PARD3: variants seen among roughly 807,000 people sequenced by gnomAD.
PARD3 encodes partitioning defective 3 homolog.
Under a neutral mutation model 155.4 loss-of-function variants are expected in PARD3, and 75 were observed. The observed-to-expected ratio is 0.48, with a 90% CI of 0.40 to 0.58. PARD3 has a LOEUF of 0.58. PARD3 is among the 20% of genes least tolerant of loss of function. The probability of loss-of-function intolerance (pLI) is 0.00; values close to 1 mark genes in which losing one functional copy is unlikely to be tolerated. For synonymous variants in PARD3, 576 were observed against 610.5 expected (o/e 0.94, Z 0.83); for missense variants, 1,642 against 1,721.7 (o/e 0.95, Z 0.82).
At chr10:34,670,966 T>A (rs2093600537) in intron 2 of PARD3, among the ~76,000 whole-genome samples, 2 of 152,182 alleles carry the variant, frequency 1.3e-5, no homozygotes, top group South Asian at 4.2e-4. Flanking sequence ...TCGGCGGCCA[T>A]CAAGTTTTAC....
At chr10:34,771,553 CA>C (rs1189194216) in intron 1 of PARD3, among the ~76,000 whole-genome samples, 1 of 152,228 alleles carries the variant, frequency 6.6e-6, no homozygotes, top group African/African-American at 2.4e-5. Context: ...AAAAGTTACA[CA>C]AAACTGAGAA....
chr10:34,431,876 C>T (rs2075932565), intron 5 of PARD3, among the ~76,000 whole-genome samples: 2 of 149,432 alleles, frequency 1.3e-5, no homozygotes, highest in Admixed American at 1.3e-4. Context: ...GGTGAAACCC[C>T]GTATCTACTA....
At chr10:34,727,118 G>T (rs139258341) in intron 1 of PARD3, among the ~76,000 whole-genome samples, 20 of 152,312 alleles carry the variant, frequency 1.3e-4, no homozygotes, top group Middle Eastern at 6.8e-3. Flanking sequence ...CACCCTGTGT[G>T]GTGGGGGATT....
At position 34,284,182 on chromosome 10, in the gene PARD3, G is replaced by A. The variant is rs140519022; in HGVS notation, c.3129C>T (p.Ser1043=). 480 of 1,609,448 alleles carry A rather than the reference G, an allele frequency of 3.0e-4. No individual in the cohort carries two copies. Among genetic ancestry groups the A allele is most frequent in the Non-Finnish European group, 3.9e-4 (465 of 1,177,846 alleles). The change falls in exon 21 of 25, where the codon TCC becomes TCT. Residue 1043 remains serine, a synonymous_variant. Coordinates refer to ENST00000374788, the MANE Select transcript of PARD3 (RefSeq NM_001184785.2). ...GTATCCTCTCCTCTTCTGATGTAAAGGATTCCTGTATTTTTATTTTACCCG... is the reference window on the plus strand; with the variant it reads ...GTATCCTCTCCTCTTCTGATGTAAAAGATTCCTGTATTTTTATTTTACCCG... ...EKTGKIKIQE[S]FTSEEERIRM...
chr10:34,506,638 C>T (rs763700949), intron 3 of PARD3, among the ~76,000 whole-genome samples: 17 of 152,216 alleles, frequency 1.1e-4, no homozygotes, highest in African/African-American at 3.1e-4. Flanking sequence ...TTCAGTCCAC[C>T]GAGGTGATCA....
chr10:34,429,621 T>A (rs1320281407), intron 5 of PARD3, among the ~76,000 whole-genome samples: 1 of 151,922 alleles, frequency 6.6e-6, no homozygotes, highest in East Asian at 1.9e-4. Flanking sequence ...AGTCTTGCAC[T>A]GTTGCCCGCG....
At chr10:34,767,217 G>A (rs1838209330) in intron 1 of PARD3, among the ~76,000 whole-genome samples, 1 of 152,174 alleles carries the variant, frequency 6.6e-6, no homozygotes, top group African/African-American at 2.4e-5. Flanking sequence ...TGGGAGTCTA[G>A]GCAATGAGAC....
chr10:34,758,893 C>G (rs551303951), intron 1 of PARD3, among the ~76,000 whole-genome samples: 2 of 152,064 alleles, frequency 1.3e-5, no homozygotes, highest in African/African-American at 4.8e-5. Flanking sequence ...GTGACTGAAA[C>G]GGCTAAATTA....
chr10:34,651,011 C>CCAAAAAAAA, intron 2 of PARD3, among the ~76,000 whole-genome samples: 1 of 44,520 alleles, frequency 2.2e-5, no homozygotes, highest in Non-Finnish European at 4.0e-5. Flanking sequence ...AACTCTGTCT[C>CCAAAAAAAA]AAAAAAAAAA....
intron 2 of PARD3, among the ~76,000 whole-genome samples, chr10:34,561,975 T>C (rs909114182): frequency 6.7e-6 from 1 of 149,718 alleles, no homozygotes; most frequent in Non-Finnish European, 1.5e-5. Context: ...CTACTAAAAA[T>C]ACAAAAAAAT....
chr10:34,124,960 G>A (rs959601464), intron 23 of PARD3, among the ~76,000 whole-genome samples: 2 of 152,196 alleles, frequency 1.3e-5, no homozygotes, highest in Non-Finnish European at 2.9e-5. Context: ...CTTTGGCTGA[G>A]GGACAGGTCA....
At chr10:34,643,902 G>A (rs899298920) in intron 2 of PARD3, among the ~76,000 whole-genome samples, 2 of 152,220 alleles carry the variant, frequency 1.3e-5, no homozygotes, top group Admixed American at 1.3e-4. Context: ...GGGCAACAGA[G>A]CGAGACCCTG....
At chr10:34,306,432 A>G (rs995958518) in intron 20 of PARD3, among the ~76,000 whole-genome samples, 1 of 152,132 alleles carries the variant, frequency 6.6e-6, no homozygotes, top group Non-Finnish European at 1.5e-5. Context: ...CAGGGGGATC[A>G]CAAGGTCAGG....
At chr10:34,709,435 T>C (rs911121111) in intron 1 of PARD3, among the ~76,000 whole-genome samples, 1 of 152,188 alleles carries the variant, frequency 6.6e-6, no homozygotes, top group Non-Finnish European at 1.5e-5. Context: ...TATGTATTAT[T>C]AGGAGTGCGA....
At chr10:34,718,684 C>A (rs542119238) in intron 1 of PARD3, among the ~76,000 whole-genome samples, 3 of 151,488 alleles carry the variant, frequency 2.0e-5, no homozygotes, top group Non-Finnish European at 4.4e-5. Flanking sequence ...ATAAATTGGC[C>A]GGGCACGGTG....
intron 22 of PARD3, among the ~76,000 whole-genome samples, chr10:34,131,901 C>T (rs1947636526): frequency 6.6e-6 from 1 of 151,826 alleles, no homozygotes; most frequent in Non-Finnish European, 1.5e-5. Context: ...TTGGAAAGGA[C>T]ATTGCATTAA....
chr10:34,764,688 G>A (rs146923655), intron 1 of PARD3, among the ~76,000 whole-genome samples: 4 of 152,212 alleles, frequency 2.6e-5, no homozygotes, highest in East Asian at 3.9e-4. Context: ...TGTGTGTTAA[G>A]GGTAGTGTGC....
chr10:34,606,687 T>C (rs1344164294), intron 2 of PARD3, among the ~76,000 whole-genome samples: 1 of 149,256 alleles, frequency 6.7e-6, no homozygotes, highest in East Asian at 2.0e-4. Context: ...AAGACAGCTC[T>C]GGCTGGGCAT....
chr10:34,803,070 GA>G (rs34342941), intron 1 of PARD3, among the ~76,000 whole-genome samples: 1,511 of 102,634 alleles, frequency 0.015, 10 homozygotes, highest in Middle Eastern at 0.021. Flanking sequence ...TACTAAAAAT[GA>G]AAAAAAAAAA....
Sources: gnomAD v4.1 joint callset for allele counts (sites outside exome capture counted in the v4.1 genomes callset) on GRCh38, gnomAD v4.1.1 for gene constraint, MANE v1.5 for transcripts, NCBI Gene and HGNC (gene_info 2026-07-23, HGNC 2026-07-21) for gene names.